The following TBX19 variants were observed in gnomAD, a reference collection of about 807,000 sequenced individuals.
TBX19 encodes the protein T-box transcription factor 19, also known as T-box transcription factor TBX19.
TBX19 carries 33 observed loss-of-function variants against 40.9 expected under a neutral mutation model. The observed-to-expected ratio is 0.81, with a 90% CI of 0.61 to 1.08. The LOEUF is 1.08. Ranked by LOEUF, TBX19 falls within the 50% of genes least tolerant of loss-of-function variation. The pLI is 0.00. For synonymous variants in TBX19, 220 were observed against 225.0 expected, an observed-to-expected ratio of 0.98 and a Z score of 0.20; for missense variants, 494 against 574.0, an observed-to-expected ratio of 0.86 and a Z score of 1.42.
At chr1:168,293,329 CTG>C in intron 3 of TBX19, 51 bp downstream of exon 3, 2 of 1,345,984 alleles carry the variant, frequency 1.5e-6, no homozygotes, top group Non-Finnish European at 2.0e-6. Flanking sequence ...GTGTGTGTAA[CTG>C]TCACCTGGGA....
chr1:168,283,816 T>C (rs550040985), intron 1 of TBX19, among the ~76,000 whole-genome samples: 2 of 152,338 alleles, frequency 1.3e-5, no homozygotes, highest in African/African-American at 4.8e-5. Flanking sequence ...ACCTTGACTT[T>C]TTAAAAAAGC....
At chr1:168,286,251 A>G (rs1648802799) in intron 1 of TBX19, among the ~76,000 whole-genome samples, 1 of 152,244 alleles carries the variant, frequency 6.6e-6, no homozygotes, top group African/African-American at 2.4e-5. Flanking sequence ...GTGATGATAT[A>G]ATTCACATGC....
At chr1:168,289,101 C>T (rs1648874913) in intron 1 of TBX19, among the ~76,000 whole-genome samples, 2 of 152,142 alleles carry the variant, frequency 1.3e-5, no homozygotes, top group Non-Finnish European at 2.9e-5. Flanking sequence ...AAACACTGGA[C>T]CAGAACACAG....
chr1:168,281,705 A>G (rs1648656066), intron 1 of TBX19, among the ~76,000 whole-genome samples: 1 of 152,254 alleles, frequency 6.6e-6, no homozygotes, highest in African/African-American at 2.4e-5. Context: ...CCTCCTAAGT[A>G]TAGCAAACTT....
At chr1:168,298,713 C>T (rs1649179032) in intron 4 of TBX19, among the ~76,000 whole-genome samples, 2 of 136,070 alleles carry the variant, frequency 1.5e-5, no homozygotes, top group Admixed American at 7.9e-5. Context: ...CTTTGCTTCC[C>T]TCCTTTCCTT....
intron 4 of TBX19, 35 bp downstream of exon 4, chr1:168,297,820 A>G: frequency 1.3e-6 from 2 of 1,527,068 alleles, no homozygotes; most frequent in Non-Finnish European, 1.8e-6. Context: ...TCTTCTAATG[A>G]ATGATTTATG....
At chr1:168,301,238 G>A (rs1009862761) in intron 5 of TBX19, among the ~76,000 whole-genome samples, 5 of 151,988 alleles carry the variant, frequency 3.3e-5, no homozygotes, top group African/African-American at 7.3e-5. Context: ...GAGTATAGCC[G>A]CATAAAGAGA....
chr1:168,304,868 C>CCACACAGGCTGGCACCAT (rs1208429743), intron 5 of TBX19, 140 bp from the exon 6 acceptor site: 5 of 875,062 alleles, frequency 5.7e-6, no homozygotes, highest in Admixed American at 3.9e-5. Context: ...GATGGTACCA[C>CCACACAGGCTGGCACCAT]CACACAGGCT....
At position 168,303,053 on chromosome 1, in the gene TBX19, T is replaced by C. The variant is rs111585423; in HGVS notation, c.728-1955T>C. 6.2e-3 allele frequency among the ~76,000 whole-genome samples: 942 copies of C among 152,300 alleles called. 9 individuals carry two copies. Among genetic ancestry groups the C allele is most frequent in the African/African-American group, 0.021 (876 of 41,566 alleles). ...TTTTTATTTATTTATTTATTTATTT[T>C]TGTTATACTTTAAGTTCTAGGGTAC... On this transcript the variant is annotated intron_variant, in intron 5 of 7. Coordinates refer to ENST00000367821, the MANE Select transcript of TBX19 (RefSeq NM_005149.3).
chr1:168,288,230 C>T (rs2300580), intron 1 of TBX19, among the ~76,000 whole-genome samples: 79,319 of 152,006 alleles, frequency 0.52, 21,984 homozygotes, highest in Non-Finnish European at 0.64. Flanking sequence ...GGATTATTTA[C>T]AATACGTAAT....
intron 5 of TBX19, among the ~76,000 whole-genome samples, chr1:168,302,460 C>A (rs563799182): frequency 1.3e-5 from 2 of 152,278 alleles, no homozygotes; most frequent in South Asian, 4.2e-4. Flanking sequence ...CTATCTGAAT[C>A]CCCATCCACT....
At chr1:168,297,905 A>G in intron 4 of TBX19, 120 bp downstream of exon 4, 1 of 924,026 alleles carries the variant, frequency 1.1e-6, no homozygotes, top group Non-Finnish European at 1.7e-6. Context: ...TTTTATAGAA[A>G]TAGGCTTTCG....
intron 4 of TBX19, among the ~76,000 whole-genome samples, chr1:168,297,998 C>T (rs1649156905): frequency 6.6e-6 from 1 of 152,122 alleles, no homozygotes; most frequent in Non-Finnish European, 1.5e-5. Context: ...AGATCGAGAC[C>T]ATCCTGGCTA....
chr1:168,286,379 C>T (rs777387991), intron 1 of TBX19, among the ~76,000 whole-genome samples: 10 of 152,194 alleles, frequency 6.6e-5, no homozygotes, highest in Non-Finnish European at 1.3e-4. Flanking sequence ...GGAAGCCCTG[C>T]GCCCTTAGCA....
chr1:168,312,860 C>T lies in TBX19; in HGVS notation c.1205C>T (p.Ser402Leu), dbSNP rs370560582. 1.4e-5 allele frequency: 22 copies of T among 1,614,270 alleles called. No individual in the cohort carries two copies. The highest frequency in any genetic ancestry group is 8.9e-5 in the East Asian group (4 of 44,888). The change falls in exon 8 of 8, where the codon TCG (serine) becomes TTG (leucine). Residue 402 changes from serine to leucine, a missense_variant. Around this residue, in one of 3 missense-constraint regions of TBX19, gnomAD observed 284 missense variants for 307.3 expected, o/e 0.92. Coordinates refer to ENST00000367821, the MANE Select transcript of TBX19 (RefSeq NM_005149.3). The stretch of plus-strand genomic sequence containing the variant: ...GTGCTCTCCACCCAAGCACCCACTT[C>T]GGCTGGTGTGGAGGTTCTGGGGGAG... ...PSVLSTQAPT[S>L]AGVEVLGEPS...
chr1:168,297,212 A>G (rs1409616057), intron 3 of TBX19, among the ~76,000 whole-genome samples: 3 of 152,188 alleles, frequency 2.0e-5, no homozygotes, highest in Non-Finnish European at 4.4e-5. Flanking sequence ...TTGCATTGAC[A>G]TGGCCCCATG....
At chr1:168,312,615 C>G in intron 7 of TBX19, 93 bp from the exon 8 acceptor site, 1 of 1,426,908 alleles carries the variant, frequency 7.0e-7, no homozygotes. Context: ...TGTAACCATG[C>G]CCTTCTCAGC....
At chr1:168,303,215 T>A (rs889385904) in intron 5 of TBX19, among the ~76,000 whole-genome samples, 2 of 152,094 alleles carry the variant, frequency 1.3e-5, no homozygotes, top group Non-Finnish European at 2.9e-5. Flanking sequence ...CGACAGGTCC[T>A]GGTGTGTGAT....
chr1:168,310,213 T>A (rs1246700096), intron 7 of TBX19, among the ~76,000 whole-genome samples: 2 of 150,662 alleles, frequency 1.3e-5, no homozygotes, highest in African/African-American at 4.9e-5. Context: ...GAGGCAGGAG[T>A]ATCACTTGAA....
Sources: gnomAD v4.1 joint callset for allele counts (sites outside exome capture counted in the v4.1 genomes callset) on GRCh38, gnomAD v4.1.1 for gene constraint, gnomAD v4.1.1 regional missense constraint, MANE v1.5 for transcripts, NCBI Gene and HGNC (gene_info 2026-07-23, HGNC 2026-07-21) for gene names.